ROBO1: variants seen among roughly 807,000 people sequenced by gnomAD.
The protein encoded by ROBO1 is roundabout guidance receptor 1.
ROBO1 carries 149 observed loss-of-function variants against 195.9 expected under a neutral mutation model. The observed-to-expected ratio is 0.76, with a 90% confidence interval of 0.67 to 0.87. The LOEUF is 0.87. ROBO1 is among the 40% of genes least tolerant of loss of function. The pLI is 0.00. For synonymous variants in ROBO1, 816 were observed against 733.2 expected, an observed-to-expected ratio of 1.11 and a Z score of -1.82; for missense variants, 1,933 against 2,068.3, an observed-to-expected ratio of 0.93 and a Z score of 1.27.
intron 2 of ROBO1, among the ~76,000 whole-genome samples, chr3:79,386,934 G>T (rs750773313): frequency 3.3e-5 from 5 of 152,080 alleles, no homozygotes; most frequent in Non-Finnish European, 7.4e-5. Flanking sequence ...TCACTCTTAT[G>T]TATTACAGAG....
chr3:79,548,508 C>G (rs1942357244), intron 2 of ROBO1, among the ~76,000 whole-genome samples: 1 of 152,136 alleles, frequency 6.6e-6, no homozygotes, highest in Non-Finnish European at 1.5e-5. Context: ...GAATAGCATT[C>G]AACATGAATA....
intron 3 of ROBO1, among the ~76,000 whole-genome samples, chr3:78,960,787 C>CAAAAAA (rs1553775917): frequency 1.4e-5 from 1 of 71,676 alleles, no homozygotes. Context: ...AAAACACACA[C>CAAAAAA]ACACACACAC....
At chr3:79,663,176 C>T (rs1946381263) in intron 1 of ROBO1, among the ~76,000 whole-genome samples, 1 of 151,908 alleles carries the variant, frequency 6.6e-6, no homozygotes, top group Non-Finnish European at 1.5e-5. Flanking sequence ...CACAGATTCT[C>T]TATGGTTTAC....
chr3:79,495,140 G>A (rs576137140), intron 2 of ROBO1, among the ~76,000 whole-genome samples: 2 of 152,214 alleles, frequency 1.3e-5, no homozygotes, highest in East Asian at 1.9e-4. Context: ...TTTAGTAGAT[G>A]AGTATTTAAT....
rs2033047675 is a variant in ROBO1, at chr3:79,303,158, AGG to A, written c.89-177621_89-177620del. 1.8e-5 allele frequency among the ~76,000 whole-genome samples: 2 copies of A among 111,422 alleles called. 1 individual carries two copies. The highest frequency in any genetic ancestry group is 3.6e-5 in the Non-Finnish European group (2 of 55,782). The allele number at this position is 111,422 out of a possible 152,430, so 73.1% of individuals were successfully genotyped here. ...AATTAATATATGAATTATCTCACAT[AGG>A]TTTTTTTTTTTTTTTTTTTTTTTGG... On this transcript the variant is annotated intron_variant, in intron 2 of 30. Transcript: ENST00000464233.
chr3:78,856,033 C>T (rs112924916), intron 4 of ROBO1, among the ~76,000 whole-genome samples: 2,008 of 150,954 alleles, frequency 0.013, 46 homozygotes, highest in African/African-American at 0.045. Context: ...TCAGAAATGA[C>T]ACACTACCAG....
chr3:79,043,608 G>C (rs2078529940), intron 3 of ROBO1, among the ~76,000 whole-genome samples: 1 of 151,630 alleles, frequency 6.6e-6, no homozygotes, highest in Non-Finnish European at 1.5e-5. Context: ...TGGTTTTAAG[G>C]GTAAGATTTA....
In ROBO1 at chr3:79,137,465, T is replaced by C. The variant is rs531549086; in HGVS notation, c.89-11926A>G. Among the ~76,000 whole-genome samples, 7 of 152,014 alleles carry C rather than the reference T, an allele frequency of 4.6e-5. No homozygotes were observed. The South Asian group carries it at 1.5e-3, about 32-fold the overall frequency. ...TCATTTTCTGGTTTAGGTGATTAGATAACTGAATGAATCAAATGTGAAAAA... is the reference window on the plus strand; with the variant it reads ...TCATTTTCTGGTTTAGGTGATTAGACAACTGAATGAATCAAATGTGAAAAA... On this transcript the variant is annotated intron_variant, in intron 2 of 30. Coordinates refer to ENST00000464233, the MANE Select transcript of ROBO1 (RefSeq NM_002941.4).
intron 2 of ROBO1, among the ~76,000 whole-genome samples, chr3:79,490,985 G>A (rs1404326674): frequency 2.0e-5 from 3 of 151,950 alleles, no homozygotes; most frequent in Non-Finnish European, 2.9e-5. Context: ...ACATAGAACT[G>A]CAGGAGCCTT....
intron 2 of ROBO1, among the ~76,000 whole-genome samples, chr3:79,574,771 A>T (rs1264826007): frequency 6.6e-6 from 1 of 151,944 alleles, no homozygotes; most frequent in East Asian, 1.9e-4. Context: ...ATCCCTTAAT[A>T]AACTATAGTT....
At chr3:79,600,761 T>C (rs943789279) in intron 1 of ROBO1, among the ~76,000 whole-genome samples, 1 of 151,990 alleles carries the variant, frequency 6.6e-6, no homozygotes, top group African/African-American at 2.4e-5. Flanking sequence ...TACTAATGTC[T>C]GATGAGGTTT....
chr3:79,033,349 A>G (rs77455644), intron 3 of ROBO1, among the ~76,000 whole-genome samples: 2,682 of 152,236 alleles, frequency 0.018, 96 homozygotes, highest in African/African-American at 0.061. Context: ...GCATTTTTAC[A>G]TAAAATTTAA....
intron 2 of ROBO1, among the ~76,000 whole-genome samples, chr3:79,205,275 TG>T (rs2081846116): frequency 6.6e-6 from 1 of 152,138 alleles, no homozygotes; most frequent in Non-Finnish European, 1.5e-5. Context: ...ACTACAGGTG[TG>T]AGCCACCATG....
At position 79,732,816 on chromosome 3, in the gene ROBO1, C is replaced by T. The variant is rs778482198; in HGVS notation, c.-51+34936G>A. ...ATGTTCCTAATGACCTTATCCTGGGCGTTTTTTATACTTTATTTTAGTTTA... is the reference window on the plus strand; with the variant it reads ...ATGTTCCTAATGACCTTATCCTGGGTGTTTTTTATACTTTATTTTAGTTTA... On this transcript the variant is annotated intron_variant, in intron 1 of 30. Transcript: ENST00000464233. Among the ~76,000 whole-genome samples, 75 of 152,026 alleles carry T rather than the reference C, an allele frequency of 4.9e-4. 1 individual carries two copies. Among genetic ancestry groups the T allele is most frequent in the Admixed American group, 4.7e-3 (72 of 15,252 alleles).
At chr3:78,879,956 G>C (rs1382672335) in intron 4 of ROBO1, among the ~76,000 whole-genome samples, 1 of 152,048 alleles carries the variant, frequency 6.6e-6, no homozygotes, top group Non-Finnish European at 1.5e-5. Flanking sequence ...AAATTGGTCT[G>C]AAAGAAAATA....
chr3:78,649,504 C>G (rs1030929566), intron 19 of ROBO1, among the ~76,000 whole-genome samples: 15 of 152,190 alleles, frequency 9.9e-5, no homozygotes, highest in Admixed American at 1.3e-4. Context: ...AATATGCTCA[C>G]TGTTCCCCTG....
chr3:78,714,438 A>G lies in ROBO1; in HGVS notation c.1004T>C (p.Met335Thr). ...AGCAGATGCTTCAGCTTTGCCCACC[A>G]TATTTTCTGCAACACAAGTGTATGA... is the stretch of plus-strand genomic sequence containing the variant. ...MGSYTCVAEN[M>T]VGKAEASATL... Residue 335 changes from methionine to threonine, a missense_variant, in exon 8 of 31, where the codon ATG becomes ACG. By Grantham distance (81) the Met-to-Thr change is moderately conservative. Transcript: ENST00000464233. 1 of 1,613,392 alleles carries G rather than the reference A, an allele frequency of 6.2e-7. No individual in the cohort carries two copies. The highest frequency in any genetic ancestry group is 1.3e-5 in the African/African-American group (1 of 75,026).
At chr3:79,126,975 G>A (rs2080227546) in intron 2 of ROBO1, among the ~76,000 whole-genome samples, 1 of 149,160 alleles carries the variant, frequency 6.7e-6, no homozygotes, top group African/African-American at 2.5e-5. Context: ...CGTAAGTGTC[G>A]CGTAATTATA....
At chr3:78,965,065 T>C (rs1045685469) in intron 3 of ROBO1, among the ~76,000 whole-genome samples, 3 of 151,948 alleles carry the variant, frequency 2.0e-5, no homozygotes, top group African/African-American at 7.2e-5. Flanking sequence ...ATAAACCAAC[T>C]TGAGGTTCAA....
Sources: allele counts gnomAD v4.1 joint callset (sites outside exome capture counted in the v4.1 genomes callset), GRCh38; gene constraint gnomAD v4.1.1; transcripts MANE v1.5; gene names NCBI Gene and HGNC (gene_info 2026-07-23, HGNC 2026-07-21).